Variants in PRIMA1 observed in about 807,000 individuals in gnomAD.
PRIMA1 encodes the protein proline-rich membrane anchor 1.
A neutral mutation model predicts 17.5 loss-of-function variants in PRIMA1; 7 were observed. The ratio of observed to expected loss-of-function variants is 0.40; its 90% CI spans 0.23 to 0.75. The LOEUF (loss-of-function observed/expected upper bound fraction) is 0.75, where lower values mean the gene tolerates loss of function less well. Among genes scored for constraint, PRIMA1 ranks in the 30% least tolerant of loss-of-function variants. The pLI, the probability that PRIMA1 is intolerant of heterozygous loss-of-function variation, is 0.37. For missense variants in PRIMA1, 200 were observed against 201.8 expected, an observed-to-expected ratio of 0.99 and a Z score of 0.05; for synonymous variants, 97 against 77.9, an observed-to-expected ratio of 1.25 and a Z score of -1.29.
intron 4 of PRIMA1, among the ~76,000 whole-genome samples, chr14:93,725,110 T>A (rs910961484): frequency 6.7e-6 from 1 of 150,190 alleles, no homozygotes; most frequent in African/African-American, 2.4e-5. Context: ...GAAGGCAGGG[T>A]GAGGAGGGGG....
chr14:93,762,484 C>G (rs1056144054), intron 3 of PRIMA1, among the ~76,000 whole-genome samples: 2 of 152,018 alleles, frequency 1.3e-5, no homozygotes, highest in Admixed American at 1.3e-4. Context: ...CTGTCCTGTT[C>G]CCCTGGGACA....
At chr14:93,780,641 G>A (rs7150913) in intron 2 of PRIMA1, among the ~76,000 whole-genome samples, 30,338 of 151,804 alleles carry the variant, frequency 0.2, 3,359 homozygotes, top group Middle Eastern at 0.24. Flanking sequence ...GAGCCACACC[G>A]ATTAAATCAA....
At chr14:93,769,589 A>G (rs1350432875) in intron 3 of PRIMA1, among the ~76,000 whole-genome samples, 1 of 152,224 alleles carries the variant, frequency 6.6e-6, no homozygotes, top group East Asian at 1.9e-4. Flanking sequence ...GCCAAGGGCT[A>G]GGGCAGCGGC....
chr14:93,772,241 G>C (rs1885091311), intron 3 of PRIMA1, among the ~76,000 whole-genome samples: 1 of 152,218 alleles, frequency 6.6e-6, no homozygotes, highest in Non-Finnish European at 1.5e-5. Context: ...CCTATTCCTG[G>C]CTCCACCACT....
chr14:93,781,870 G>C (rs1311062008), intron 2 of PRIMA1, among the ~76,000 whole-genome samples: 1 of 152,114 alleles, frequency 6.6e-6, no homozygotes, highest in Non-Finnish European at 1.5e-5. Context: ...ATCTACTCAG[G>C]ATGCTGAGGC....
rs550519098 is a variant in PRIMA1 at position 93,727,075 on chromosome 14, ACGTC to A, written c.360-5533_360-5530del. 8.5e-5 allele frequency among the ~76,000 whole-genome samples: 13 copies of A among 152,250 alleles called. No individual in the cohort carries two copies. The South Asian group carries it at 2.1e-3, about 24-fold the overall frequency. ...CGTCACCGTGAGAAGCAGCAGCCCC[ACGTC>A]CAGCCTCCATCGCCCAGGGGGGTGG... On this transcript the variant is annotated intron_variant, in intron 4 of 4. Transcript: ENST00000393140.
chr14:93,729,271 T>C (rs1479223817), intron 4 of PRIMA1, among the ~76,000 whole-genome samples: 1 of 152,218 alleles, frequency 6.6e-6, no homozygotes, highest in Non-Finnish European at 1.5e-5. Context: ...AGGCCCTTCC[T>C]TGGAGTACAC....
intron 4 of PRIMA1, among the ~76,000 whole-genome samples, chr14:93,728,764 C>A (rs2076095814): frequency 6.6e-6 from 1 of 152,180 alleles, no homozygotes; most frequent in South Asian, 2.1e-4. Context: ...CCTCAATCTG[C>A]TGAGCATTCT....
intron 4 of PRIMA1, among the ~76,000 whole-genome samples, chr14:93,728,775 G>A (rs746311633): frequency 6.6e-6 from 1 of 152,146 alleles, no homozygotes; most frequent in Non-Finnish European, 1.5e-5. Flanking sequence ...TGAGCATTCT[G>A]TCCATGACTG....
chr14:93,768,100 A>G (rs1049331911), intron 3 of PRIMA1, among the ~76,000 whole-genome samples: 1 of 152,078 alleles, frequency 6.6e-6, no homozygotes, highest in Non-Finnish European at 1.5e-5. Context: ...CAACAAAAAA[A>G]TCTCTTTTTA....
At position 93,726,310 on chromosome 14, in the gene PRIMA1, G is replaced by A. The variant is rs571668332; in HGVS notation, c.360-4764C>T. Among the ~76,000 whole-genome samples, 10 of 152,294 alleles carry A rather than the reference G, an allele frequency of 6.6e-5. No individual in the cohort carries two copies. In the South Asian group the frequency reaches 1.9e-3, roughly 28 times the overall value. Reference sequence around the variant, plus strand: ...TCATGATGTGACAGCCTCCCGCTCAGCCTGCTGCTCTGTGGGGATGGAGGA... The same window carrying A: ...TCATGATGTGACAGCCTCCCGCTCAACCTGCTGCTCTGTGGGGATGGAGGA... On this transcript the variant is annotated intron_variant, in intron 4 of 4. Coordinates refer to ENST00000393140, the MANE Select transcript of PRIMA1 (RefSeq NM_178013.4). The surrounding 1 kb of genome is among the most constrained non-coding windows in gnomAD (Gnocchi z 4.2).
intron 4 of PRIMA1, among the ~76,000 whole-genome samples, chr14:93,729,472 C>T (rs1320389118): frequency 6.6e-6 from 1 of 152,236 alleles, no homozygotes; most frequent in Non-Finnish European, 1.5e-5. Flanking sequence ...CTCAGGGCCC[C>T]AGGAATGCAC....
intron 3 of PRIMA1, among the ~76,000 whole-genome samples, chr14:93,742,706 A>G (rs2076191789): frequency 1.3e-5 from 2 of 152,176 alleles, no homozygotes; most frequent in South Asian, 2.1e-4. Flanking sequence ...TGCCTCCCCT[A>G]TCGTCCTCAT....
chr14:93,784,780 G>A (rs1374794248), intron 2 of PRIMA1, among the ~76,000 whole-genome samples: 1 of 152,152 alleles, frequency 6.6e-6, no homozygotes, highest in Non-Finnish European at 1.5e-5. Flanking sequence ...GGTCCAAGCT[G>A]TTTGCTCTTG....
chr14:93,753,771 G>A (rs2076274605), intron 3 of PRIMA1, among the ~76,000 whole-genome samples: 1 of 152,174 alleles, frequency 6.6e-6, no homozygotes, highest in Non-Finnish European at 1.5e-5. Context: ...TGGAAGGAAG[G>A]TGTAGGTGAG....
chr14:93,747,699 TGA>T (rs933427519), intron 3 of PRIMA1, among the ~76,000 whole-genome samples: 3 of 149,770 alleles, frequency 2.0e-5, no homozygotes, highest in Admixed American at 1.3e-4. Context: ...GGAGTGCATA[TGA>T]GTGTGTGAGT....
intron 3 of PRIMA1, among the ~76,000 whole-genome samples, chr14:93,767,872 T>A (rs188061627): frequency 1.4e-3 from 217 of 152,250 alleles, no homozygotes; most frequent in African/African-American, 4.9e-3. Context: ...CTCAGGTTCA[T>A]ATGAAATGTC....
At position 93,779,266 on chromosome 14, in the gene PRIMA1, T is replaced by C; in HGVS notation, c.139A>G (p.Ser47Gly). ...CGGCACTGGCAGACGTGTCGGCAGC[T>C]GTCAGTCACTTTGGAGCAGGACTTC... Reference protein sequence around the residue: ...PQKSCSKVTDSCRHVCQCRPP... With the variant: ...PQKSCSKVTDGCRHVCQCRPP... The change falls in exon 3 of 5, where the codon AGC becomes GGC. Residue 47 changes from serine to glycine, a missense_variant. Ser to Gly is a moderately conservative substitution (Grantham distance 56, BLOSUM62 0). Transcript: ENST00000393140. 3.2e-6 allele frequency: 5 copies of C among 1,544,166 alleles called. No individual in the cohort carries two copies. Among genetic ancestry groups the C allele is most frequent in the Non-Finnish European group, 4.3e-6 (5 of 1,152,464 alleles).
intron 3 of PRIMA1, among the ~76,000 whole-genome samples, chr14:93,744,454 G>T (rs1230041004): frequency 1.3e-5 from 2 of 152,232 alleles, no homozygotes; most frequent in African/African-American, 4.8e-5. Flanking sequence ...GGGAGGTCTG[G>T]AGAGCCAGCC....
Sources: allele counts gnomAD v4.1 joint callset (sites outside exome capture counted in the v4.1 genomes callset), GRCh38; gene constraint gnomAD v4.1.1; non-coding constraint Gnocchi (gnomAD v3.1); transcripts MANE v1.5; gene names NCBI Gene and HGNC (gene_info 2026-07-23, HGNC 2026-07-21).